NOS1AP: variants seen among roughly 807,000 people sequenced by gnomAD.
NOS1AP encodes carboxyl-terminal PDZ ligand of neuronal nitric oxide synthase protein.
NOS1AP carries 21 observed loss-of-function variants against 56.2 expected under a neutral mutation model. The observed-to-expected ratio is 0.37, with a 90% CI of 0.26 to 0.54. The LOEUF (loss-of-function observed/expected upper bound fraction) is 0.54, where lower values mean the gene tolerates loss of function less well. NOS1AP is among the 20% of genes least tolerant of loss of function. NOS1AP has a pLI of 0.84. For missense variants in NOS1AP, 522 were observed against 657.8 expected (o/e 0.79, Z 2.26); for synonymous variants, 270 against 274.6 (o/e 0.98, Z 0.17).
At chr1:162,289,213 C>CT (rs1553202247) in intron 3 of NOS1AP, among the ~76,000 whole-genome samples, 6,018 of 34,428 alleles carry the variant, frequency 0.17, 512 homozygotes, top group South Asian at 0.23. Context: ...CCTTCCTTTC[C>CT]TTCCTTCCTT....
At chr1:162,329,656 T>C (rs1409994434) in intron 4 of NOS1AP, among the ~76,000 whole-genome samples, 2 of 152,196 alleles carry the variant, frequency 1.3e-5, no homozygotes, top group East Asian at 3.9e-4. Context: ...ACCCCCACAA[T>C]CACAGTGCTT....
intron 1 of NOS1AP, among the ~76,000 whole-genome samples, chr1:162,134,615 C>T (rs1176280361): frequency 6.6e-6 from 1 of 151,804 alleles, no homozygotes; most frequent in Non-Finnish European, 1.5e-5. Context: ...CTGAAAATTA[C>T]CCTGAATTCA....
intron 2 of NOS1AP, among the ~76,000 whole-genome samples, chr1:162,161,117 G>A (rs781103833): frequency 2.0e-5 from 3 of 152,120 alleles, no homozygotes; most frequent in Admixed American, 6.5e-5. Flanking sequence ...TTGGTTATAA[G>A]GTCCCTCGTT....
chr1:162,159,755 A>G (rs1047325224), intron 2 of NOS1AP, among the ~76,000 whole-genome samples: 31 of 152,296 alleles, frequency 2.0e-4, no homozygotes, highest in African/African-American at 6.7e-4. Flanking sequence ...CTTAATAACC[A>G]CCTGAGCATA....
At chr1:162,140,331 C>CA in intron 1 of NOS1AP, among the ~76,000 whole-genome samples, 1 of 148,452 alleles carries the variant, frequency 6.7e-6, no homozygotes, top group Non-Finnish European at 1.5e-5. Context: ...ATCAAGGGCA[C>CA]ACGTGCAGGT....
chr1:162,095,811 A>T (rs776014655), intron 1 of NOS1AP, among the ~76,000 whole-genome samples: 7 of 152,232 alleles, frequency 4.6e-5, no homozygotes, highest in Non-Finnish European at 1.0e-4. Context: ...TTTTTAACTG[A>T]TAGAATGAAG....
chr1:162,161,044 G>A (rs535653480), intron 2 of NOS1AP, among the ~76,000 whole-genome samples: 120 of 152,162 alleles, frequency 7.9e-4, no homozygotes, highest in Middle Eastern at 6.8e-3. Context: ...CTGAATTATG[G>A]CCCCTGCTTT....
intron 2 of NOS1AP, among the ~76,000 whole-genome samples, chr1:162,251,868 T>TTG (rs71093154): frequency 2.6e-5 from 2 of 76,426 alleles, no homozygotes; most frequent in South Asian, 4.5e-4. Flanking sequence ...TTTTTTTTTT[T>TTG]GTTTTTTTTT....
chr1:162,191,200 C>T (rs1054548011), intron 2 of NOS1AP, among the ~76,000 whole-genome samples: 1 of 152,098 alleles, frequency 6.6e-6, no homozygotes, highest in African/African-American at 2.4e-5. Context: ...CTCAGTGTGC[C>T]CCATACCACG....
intron 2 of NOS1AP, among the ~76,000 whole-genome samples, chr1:162,161,001 C>T (rs1368873656): frequency 6.6e-6 from 1 of 152,124 alleles, no homozygotes; most frequent in East Asian, 1.9e-4. Flanking sequence ...GGCTCATGGC[C>T]CCTTTCCATC....
chr1:162,122,335 A>G (rs1458623732), intron 1 of NOS1AP, among the ~76,000 whole-genome samples: 1 of 152,222 alleles, frequency 6.6e-6, no homozygotes, highest in Non-Finnish European at 1.5e-5. Context: ...TTCACACAGG[A>G]TGACTAAATC....
At chr1:162,126,466 A>G (rs1459454697) in intron 1 of NOS1AP, among the ~76,000 whole-genome samples, 1 of 151,806 alleles carries the variant, frequency 6.6e-6, no homozygotes, top group East Asian at 1.9e-4. Flanking sequence ...GACACAAAAT[A>G]TTGGTTTGTT....
intron 2 of NOS1AP, among the ~76,000 whole-genome samples, chr1:162,242,139 C>G (rs1653506329): frequency 6.6e-6 from 1 of 152,180 alleles, no homozygotes; most frequent in Non-Finnish European, 1.5e-5. Context: ...CTCAACTAGG[C>G]TTGAGAGAGT....
intron 2 of NOS1AP, among the ~76,000 whole-genome samples, chr1:162,279,748 T>G (rs1212380822): frequency 6.6e-6 from 1 of 152,224 alleles, no homozygotes; most frequent in Non-Finnish European, 1.5e-5. Flanking sequence ...TCATTAACCA[T>G]GTATTGAATG....
intron 2 of NOS1AP, among the ~76,000 whole-genome samples, chr1:162,165,334 G>A (rs1406321509): frequency 1.3e-5 from 2 of 151,972 alleles, no homozygotes; most frequent in African/African-American, 4.8e-5. Context: ...AAAAAAGAAA[G>A]ACTTCCTCAA....
rs535391438 is a variant in NOS1AP at position 162,270,852 on chromosome 1, G to A, written c.178-16492G>A. ...TGTGGGTGAAGCAGGATGGGCAGAGGTTGGTTGGCATATCTGCCTGCATGA... is the reference window on the plus strand; with the variant it reads ...TGTGGGTGAAGCAGGATGGGCAGAGATTGGTTGGCATATCTGCCTGCATGA... On this transcript the variant is annotated intron_variant, in intron 2 of 9. Transcript: ENST00000361897. Among the ~76,000 whole-genome samples, 13 of 152,318 alleles carry A rather than the reference G, an allele frequency of 8.5e-5. No homozygotes were observed. In the South Asian group the frequency reaches 2.5e-3, roughly 29 times the overall value.
intron 1 of NOS1AP, among the ~76,000 whole-genome samples, chr1:162,087,016 AT>A (rs1157898481): frequency 6.6e-6 from 1 of 152,256 alleles, no homozygotes; most frequent in Middle Eastern, 3.4e-3. Flanking sequence ...CATTTGACTT[AT>A]AGTAGTGTTA....
At chr1:162,132,846 G>C (rs915423695) in intron 1 of NOS1AP, among the ~76,000 whole-genome samples, 1 of 152,156 alleles carries the variant, frequency 6.6e-6, no homozygotes, top group African/African-American at 2.4e-5. Context: ...CATGGATAAA[G>C]GTCTGTTTCT....
intron 1 of NOS1AP, among the ~76,000 whole-genome samples, chr1:162,114,099 A>G (rs567710830): frequency 2.0e-5 from 3 of 152,298 alleles, no homozygotes; most frequent in Non-Finnish European, 4.4e-5. Flanking sequence ...TTTGGATTAT[A>G]AACAAACACT....
Sources: allele counts gnomAD v4.1 joint callset (sites outside exome capture counted in the v4.1 genomes callset), GRCh38; gene constraint gnomAD v4.1.1; transcripts MANE v1.5; gene names NCBI Gene and HGNC (gene_info 2026-07-23, HGNC 2026-07-21).